Variants in TBC1D32 observed in about 807,000 individuals in gnomAD.
TBC1D32 encodes the protein protein broad-minded.
In TBC1D32, 151 loss-of-function variants were observed where a neutral mutation model predicts 170.3. The ratio of observed to expected loss-of-function variants is 0.89; its 90% confidence interval spans 0.78 to 1.01. The LOEUF is 1.01. Ranked by LOEUF, TBC1D32 falls within the 50% of genes least tolerant of loss-of-function variation. TBC1D32 has a pLI of 0.00. For synonymous variants in TBC1D32, 498 were observed against 488.0 expected (o/e 1.02, Z -0.27); for missense variants, 1,464 against 1,457.1 (o/e 1.00, Z -0.08).
chr6:121,234,962 A>C (rs184018633), intron 20 of TBC1D32, among the ~76,000 whole-genome samples: 46 of 152,158 alleles, frequency 3.0e-4, no homozygotes, highest in African/African-American at 1.0e-3. Flanking sequence ...GCTGAACTAT[A>C]GTAATTGTTT....
intron 21 of TBC1D32, among the ~76,000 whole-genome samples, chr6:121,215,717 AGACATAT>A (rs1793735601): frequency 6.6e-6 from 1 of 152,228 alleles, no homozygotes; most frequent in African/African-American, 2.4e-5. Flanking sequence ...TTTCAAAAGA[AGACATAT>A]ATGTGGCCAA....
At chr6:121,329,801 A>G (rs1404235689) in intron 1 of TBC1D32, among the ~76,000 whole-genome samples, 1 of 152,100 alleles carries the variant, frequency 6.6e-6, no homozygotes, top group Non-Finnish European at 1.5e-5. Context: ...AATAGGCTGT[A>G]TTTTAGAATC....
Position 121,115,215 on chromosome 6 carries a change from T to C in TBC1D32, c.3010A>G (p.Ser1004Gly), listed in dbSNP as rs1321726204. Residue 1004 changes from serine to glycine, a missense_variant, in exon 27 of 32, where the codon AGT becomes GGT. Physicochemically the swap from Ser to Gly is moderately conservative, Grantham distance 56. Transcript: ENST00000398212. ...CCAAGCTGCTGCACAGATGAAAGAC[T>C]TTCATTCTTCACATTTGCATCAGTA... is the stretch of plus-strand genomic sequence containing the variant. Reference protein sequence around the residue: ...TATDANVKNESLSSVQQLGIK... With the variant: ...TATDANVKNEGLSSVQQLGIK... The C allele has an allele frequency of 6.2e-7, 1 of 1,600,702 alleles. No homozygotes were observed. The highest frequency in any genetic ancestry group is 2.2e-5 in the East Asian group (1 of 44,534).
At chr6:121,102,427 T>G (rs1196633460) in intron 30 of TBC1D32, among the ~76,000 whole-genome samples, 13 of 151,942 alleles carry the variant, frequency 8.6e-5, no homozygotes, top group African/African-American at 3.1e-4. Flanking sequence ...CCCTCAGAAA[T>G]AATACCACAC....
intron 31 of TBC1D32, among the ~76,000 whole-genome samples, chr6:121,082,560 A>G (rs1392557863): frequency 1.3e-5 from 2 of 151,988 alleles, no homozygotes; most frequent in Non-Finnish European, 2.9e-5. Flanking sequence ...GTTTCAGGAC[A>G]TATTATTTTC....
chr6:121,097,507 C>G (rs532169169), intron 30 of TBC1D32, among the ~76,000 whole-genome samples: 1 of 152,222 alleles, frequency 6.6e-6, no homozygotes, highest in East Asian at 1.9e-4. Context: ...CATCTCATGC[C>G]AGTTAGAATG....
At chr6:121,281,715 C>T (rs963334914) in intron 13 of TBC1D32, 29 bp from the exon 14 acceptor site, 2 of 1,520,486 alleles carry the variant, frequency 1.3e-6, no homozygotes, top group Non-Finnish European at 8.9e-7. Flanking sequence ...TTTTTAATAC[C>T]AAAACATTAA....
chr6:121,311,635 G>T (rs1808220518), intron 3 of TBC1D32, among the ~76,000 whole-genome samples: 1 of 151,712 alleles, frequency 6.6e-6, no homozygotes. Context: ...GGCCGAGGCA[G>T]GAGAATCACT....
intron 24 of TBC1D32, among the ~76,000 whole-genome samples, chr6:121,157,955 T>C (rs896501006): frequency 3.9e-5 from 6 of 152,150 alleles, no homozygotes; most frequent in African/African-American, 1.2e-4. Flanking sequence ...GCAATGATTT[T>C]GGTAAATCTG....
At chr6:121,245,324 CCCTA>C (rs1797457742) in intron 17 of TBC1D32, among the ~76,000 whole-genome samples, 2 of 152,178 alleles carry the variant, frequency 1.3e-5, no homozygotes, top group African/African-American at 4.8e-5. Flanking sequence ...AGCCTGGCAG[CCCTA>C]CTGGGTGGCT....
chr6:121,192,081 T>TATATCTCC lies in TBC1D32; in HGVS notation c.2570+12993_2570+12994insGGAGATAT, dbSNP rs1191358364. On this transcript the variant is annotated intron_variant, in intron 22 of 31. Transcript: ENST00000398212. Reference sequence around the variant, plus strand: ...AAACTACCCTTTATATATATATATATATCCTATTAGTTCTATCCTTCTGGG... The same window carrying TATATCTCC: ...AAACTACCCTTTATATATATATATATATATCTCCATCCTATTAGTTCTATCCTTCTGGG... 7.6e-5 allele frequency among the ~76,000 whole-genome samples: 10 copies of TATATCTCC among 132,426 alleles called. 2 individuals carry two copies. The highest frequency in any genetic ancestry group is 5.0e-4 in the Admixed American group (5 of 9,928). 86.9% of individuals were successfully genotyped at this position (132,426 alleles called of 152,430 possible). A position where few individuals can be genotyped will look rare whatever the true frequency, so the allele number is the denominator to read the frequency against.
At chr6:121,183,660 T>C (rs1788817807) in intron 22 of TBC1D32, among the ~76,000 whole-genome samples, 1 of 152,122 alleles carries the variant, frequency 6.6e-6, no homozygotes, top group South Asian at 2.1e-4. Flanking sequence ...TTCTCTTCCC[T>C]TTTTGTAATA....
Position 121,272,115 on chromosome 6 carries a change from A to G in TBC1D32, c.1733+7006T>C, listed in dbSNP as rs189124131. ...TTATACAAAAATTAATTCAAGATGG[A>G]TTAAAGACTTAAATGTTAGACCTAA... On this transcript the variant is annotated intron_variant, in intron 15 of 31. Coordinates refer to ENST00000398212, the MANE Select transcript of TBC1D32 (RefSeq NM_152730.6). Among the ~76,000 whole-genome samples, 752 of 152,308 alleles carry G rather than the reference A, an allele frequency of 4.9e-3. 5 individuals carry two copies. The highest frequency in any genetic ancestry group is 0.018 in the African/African-American group (728 of 41,556).
At chr6:121,186,216 C>T (rs571315742) in intron 22 of TBC1D32, among the ~76,000 whole-genome samples, 13 of 152,054 alleles carry the variant, frequency 8.5e-5, no homozygotes, top group South Asian at 4.2e-4. Context: ...AAATTAACTG[C>T]GTTGGCTAGA....
chr6:121,319,732 C>T (rs115850537), intron 2 of TBC1D32, among the ~76,000 whole-genome samples: 5 of 151,978 alleles, frequency 3.3e-5, no homozygotes, highest in African/African-American at 7.3e-5. Flanking sequence ...TTGTGCTGTA[C>T]GAAATACTAA....
At chr6:121,289,169 G>T (rs60461336) in intron 12 of TBC1D32, among the ~76,000 whole-genome samples, 2 of 151,958 alleles carry the variant, frequency 1.3e-5, no homozygotes, top group Non-Finnish European at 2.9e-5. Flanking sequence ...ATCAGGCAAG[G>T]GAAAGAAATA....
intron 24 of TBC1D32, 79 bp from the exon 25 acceptor site, chr6:121,131,831 A>G: frequency 8.6e-7 from 1 of 1,167,038 alleles, no homozygotes; most frequent in South Asian, 1.7e-5. Flanking sequence ...CTATGTAAAC[A>G]GTTGAAAATT....
chr6:121,159,926 A>C, intron 24 of TBC1D32, 84 bp downstream of exon 24: 1 of 925,482 alleles, frequency 1.1e-6, no homozygotes, highest in Non-Finnish European at 1.7e-6. Context: ...TGCAGTCAAT[A>C]TTCATCTTCC....
intron 15 of TBC1D32, among the ~76,000 whole-genome samples, chr6:121,272,008 A>C (rs891708817): frequency 1.3e-5 from 2 of 152,318 alleles, no homozygotes; most frequent in South Asian, 4.1e-4. Context: ...AAATGGGGAA[A>C]CGATTCCCTA....
Sources: gnomAD v4.1 joint callset for allele counts (sites outside exome capture counted in the v4.1 genomes callset) on GRCh38, gnomAD v4.1.1 for gene constraint, MANE v1.5 for transcripts, NCBI Gene and HGNC (gene_info 2026-07-23, HGNC 2026-07-21) for gene names.